PHF3: variants seen among roughly 807,000 people sequenced by gnomAD.
PHF3 encodes the protein PHD finger protein 3.
A neutral mutation model predicts 178.4 loss-of-function variants in PHF3; 41 were observed. The observed-to-expected ratio is 0.23, with a 90% CI of 0.18 to 0.30. The LOEUF is 0.30. PHF3 is among the 10% of genes least tolerant of loss of function. The pLI, the probability that PHF3 is intolerant of heterozygous loss-of-function variation, is 1.00. For missense variants in PHF3, 2,346 were observed against 2,398.1 expected, an observed-to-expected ratio of 0.98 and a Z score of 0.45; for synonymous variants, 842 against 800.5, an observed-to-expected ratio of 1.05 and a Z score of -0.88.
intron 2 of PHF3, among the ~76,000 whole-genome samples, chr6:63,668,123 A>G (rs1196409258): frequency 1.3e-5 from 2 of 152,142 alleles, no homozygotes; most frequent in South Asian, 2.1e-4. Flanking sequence ...TTCTAAATCT[A>G]ACTTTTCTTT....
intron 1 of PHF3, among the ~76,000 whole-genome samples, chr6:63,640,123 C>T (rs1046488345): frequency 6.6e-6 from 1 of 152,134 alleles, no homozygotes; most frequent in Non-Finnish European, 1.5e-5. Context: ...ATAATGATGT[C>T]TTGCCAATAG....
chr6:63,695,511 T>C (rs1767195631), intron 6 of PHF3, among the ~76,000 whole-genome samples: 1 of 152,206 alleles, frequency 6.6e-6, no homozygotes, highest in Non-Finnish European at 1.5e-5. Context: ...TAGCAGGTAC[T>C]CTGATGGTTT....
intron 2 of PHF3, among the ~76,000 whole-genome samples, chr6:63,664,040 T>C (rs147248191): frequency 6.6e-6 from 1 of 152,292 alleles, no homozygotes; most frequent in Admixed American, 6.5e-5. Flanking sequence ...TGGGTAACCA[T>C]GTACCCAGCT....
In PHF3 at chr6:63,711,582, A is replaced by T; in HGVS notation, c.3998-4A>T. On this transcript the variant is annotated splice_region_variant and splice_polypyrimidine_tract_variant and intron_variant, in intron 15 of 15. Coordinates refer to ENST00000262043, the MANE Select transcript of PHF3 (RefSeq NM_001370348.2). Reference sequence around the variant, plus strand: ...AATTAATTGATGTTTTTGGTTTTATACAGGGCTTGAACTGCATAGACCTAA... The same window carrying T: ...AATTAATTGATGTTTTTGGTTTTATTCAGGGCTTGAACTGCATAGACCTAA... 1 of 1,556,392 alleles carries T rather than the reference A, an allele frequency of 6.4e-7. No homozygotes were observed. Among genetic ancestry groups the T allele is most frequent in the South Asian group, 1.2e-5 (1 of 82,370 alleles).
intron 1 of PHF3, among the ~76,000 whole-genome samples, chr6:63,645,264 T>C (rs1764736402): frequency 6.6e-6 from 1 of 152,188 alleles, no homozygotes. Flanking sequence ...CTAATGGGTA[T>C]GGGCTGTGGA....
chr6:63,706,652 T>G, intron 12 of PHF3, 77 bp from the exon 13 acceptor site: 9 of 1,403,168 alleles, frequency 6.4e-6, no homozygotes, highest in Non-Finnish European at 8.8e-6. Context: ...CATGCTAAAA[T>G]ACGAGTAACT....
Position 63,715,292 on chromosome 6 carries a change from G to T in PHF3, c.*1584G>T, listed in dbSNP as rs1319377988. 1 of 152,056 alleles carries T rather than the reference G, an allele frequency of 6.6e-6. No individual in the cohort carries two copies. The highest frequency in any genetic ancestry group is 1.5e-5 in the Non-Finnish European group (1 of 67,992). The allele number at this position is 152,056 out of a possible 1,614,324, so 9.4% of individuals were successfully genotyped here. On this transcript the variant is annotated 3_prime_UTR_variant, in exon 16 of 16. Transcript: ENST00000262043. ...AACAGAGAACTTGTGTTTAAATAAA[G>T]CCCGTTTAACTTTGGTCCACTTTTC...
At chr6:63,711,460 C>A in intron 15 of PHF3, 98 bp downstream of exon 15, 1 of 1,337,936 alleles carries the variant, frequency 7.5e-7, no homozygotes, top group Non-Finnish European at 1.0e-6. Flanking sequence ...AGGATCCAGC[C>A]CTCTAGAGAT....
At position 63,691,794 on chromosome 6, in the gene PHF3, A is replaced by G. The variant is rs1328935155; in HGVS notation, c.2247A>G (p.Leu749=). ...DDWFHGDCVG[L]SLSQAQQMGE... ...GGTTTCATGGTGATTGTGTTGGGTT[A>G]AGTCTTTCTCAAGCACAGCAGATGG... The change falls in exon 5 of 16, where the codon TTA becomes TTG. Residue 749 remains leucine (L), a synonymous_variant. Coordinates refer to ENST00000262043, the MANE Select transcript of PHF3 (RefSeq NM_001370348.2). The G allele has an allele frequency of 7.4e-6, 12 of 1,613,830 alleles. No individual in the cohort carries two copies. The highest frequency in any genetic ancestry group is 1.7e-5 in the Admixed American group (1 of 59,996).
Position 63,713,551 on chromosome 6 carries a change from A to G in PHF3, c.5963A>G (p.Asp1988Gly). The G allele has an allele frequency of 4.3e-6, 7 of 1,613,762 alleles. No individual in the cohort carries two copies. Among genetic ancestry groups the G allele is most frequent in the Non-Finnish European group, 5.9e-6 (7 of 1,179,916 alleles). The change falls in exon 16 of 16, where the codon GAT becomes GGT. Residue 1988 changes from aspartate (D) to glycine (G), a missense_variant. This residue lies in a region of PHF3 where 839 missense variants were observed against 806.9 expected (regional missense o/e 1.04). Transcript: ENST00000262043. ...GGAACAGATGGAAAAGCAAGCAGAGATAGTAGGAATGTAGACAAGAAGCCA... is the reference window on the plus strand; with the variant it reads ...GGAACAGATGGAAAAGCAAGCAGAGGTAGTAGGAATGTAGACAAGAAGCCA... ...DRGTDGKASR[D>G]SRNVDKKPDK... is the part of the protein sequence containing the mutation.
intron 5 of PHF3, among the ~76,000 whole-genome samples, chr6:63,693,913 C>T (rs1767117126): frequency 6.6e-6 from 1 of 152,156 alleles, no homozygotes; most frequent in South Asian, 2.1e-4. Flanking sequence ...GAAGTATATT[C>T]CTGCTCTCAA....
Position 63,713,616 on chromosome 6 carries a change from C to G in PHF3, c.6028C>G (p.Arg2010Gly), listed in dbSNP as rs746217827. ...KSEDYEKDKE[R>G]EKSKHREGEK... ...TGAAGACTATGAGAAGGACAAAGAACGAGAGAAAAGTAAACACAGAGAAGG... is the reference window on the plus strand; with the variant it reads ...TGAAGACTATGAGAAGGACAAAGAAGGAGAGAAAAGTAAACACAGAGAAGG... The change falls in exon 16 of 16, where the codon CGA (arginine) becomes GGA (glycine). Residue 2010 changes from arginine (R) to glycine (G), a missense_variant. By Grantham distance (125) the Arg-to-Gly change is moderately radical. Around this residue, in one of 8 missense-constraint regions of PHF3, gnomAD observed 839 missense variants for 806.9 expected, o/e 1.04. Coordinates refer to ENST00000262043, the MANE Select transcript of PHF3 (RefSeq NM_001370348.2). 1.2e-6 allele frequency: 2 copies of G among 1,612,894 alleles called. No individual in the cohort carries two copies. Among genetic ancestry groups the G allele is most frequent in the South Asian group, 2.2e-5 (2 of 91,006 alleles).
In PHF3 at chr6:63,711,602, A is replaced by G; in HGVS notation, c.4014A>G (p.Arg1338=). The G allele has an allele frequency of 1.3e-6, 2 of 1,589,924 alleles. No individual in the cohort carries two copies. ...PFDGPGLELH[R]PNLLLGLIIR... is the part of the protein sequence containing the mutation. The stretch of plus-strand genomic sequence containing the variant: ...TTTATACAGGGCTTGAACTGCATAG[A>G]CCTAATCTATTGTTGGGCTTAATTA... The change falls in exon 16 of 16, where the codon AGA becomes AGG. Residue 1338 remains arginine, a synonymous_variant. Transcript: ENST00000262043.
intron 2 of PHF3, among the ~76,000 whole-genome samples, chr6:63,656,676 G>T (rs1249041222): frequency 6.6e-6 from 1 of 152,136 alleles, no homozygotes; most frequent in Non-Finnish European, 1.5e-5. Flanking sequence ...TAGAGCTGTT[G>T]TTTCCCTGTA....
At chr6:63,657,503 A>G (rs1765287699) in intron 2 of PHF3, among the ~76,000 whole-genome samples, 2 of 152,218 alleles carry the variant, frequency 1.3e-5, no homozygotes, top group Non-Finnish European at 2.9e-5. Context: ...AATAAAGTAC[A>G]CTAGAGAAAT....
At chr6:63,666,098 C>G (rs968622986) in intron 2 of PHF3, among the ~76,000 whole-genome samples, 1 of 152,150 alleles carries the variant, frequency 6.6e-6, no homozygotes, top group Non-Finnish European at 1.5e-5. Flanking sequence ...GTTATACACA[C>G]CCCCTTAGGA....
At chr6:63,665,153 A>G (rs1212731145) in intron 2 of PHF3, among the ~76,000 whole-genome samples, 1 of 152,068 alleles carries the variant, frequency 6.6e-6, no homozygotes, top group African/African-American at 2.4e-5. Flanking sequence ...CCTAAACATC[A>G]ATTTTCTTAG....
chr6:63,689,132 CT>C (rs757195120), intron 4 of PHF3, among the ~76,000 whole-genome samples: 5 of 152,156 alleles, frequency 3.3e-5, no homozygotes, highest in Non-Finnish European at 7.4e-5. Flanking sequence ...CTGATTCAAA[CT>C]TACATCAAAG....
chr6:63,689,968 C>G (rs1010077489), intron 4 of PHF3, among the ~76,000 whole-genome samples: 1 of 152,136 alleles, frequency 6.6e-6, no homozygotes, highest in African/African-American at 2.4e-5. Flanking sequence ...TCATGTTAGA[C>G]AGTTGCTTTC....
Sources: allele counts gnomAD v4.1 joint callset (sites outside exome capture counted in the v4.1 genomes callset), GRCh38; gene constraint gnomAD v4.1.1; regional missense constraint gnomAD v4.1.1; transcripts MANE v1.5; gene names NCBI Gene and HGNC (gene_info 2026-07-23, HGNC 2026-07-21).